CCDC171: variants seen among roughly 807,000 people sequenced by gnomAD.
CCDC171 encodes coiled-coil domain containing 171, also known as coiled-coil domain-containing protein 171.
In CCDC171, 177 loss-of-function variants were observed where a neutral mutation model predicts 168.2. That is an observed-to-expected ratio of 1.05 (90% CI 0.93 to 1.19). The LOEUF (loss-of-function observed/expected upper bound fraction) is 1.19, where lower values mean the gene tolerates loss of function less well. CCDC171 is among the 50% of genes most tolerant of loss of function. The probability of loss-of-function intolerance (pLI) is 0.00; values close to 1 mark genes in which losing one functional copy is unlikely to be tolerated. For missense variants in CCDC171, 1,991 were observed against 1,539.0 expected (o/e 1.29, Z -4.91); for synonymous variants, 687 against 540.8 (o/e 1.27, Z -3.75).
intron 9 of CCDC171, among the ~76,000 whole-genome samples, chr9:15,674,336 A>G (rs1157103521): frequency 6.6e-6 from 1 of 152,068 alleles, no homozygotes; most frequent in Non-Finnish European, 1.5e-5. Flanking sequence ...GACTTTTTGA[A>G]GGGTTTTTTG....
intron 1 of CCDC171, among the ~76,000 whole-genome samples, chr9:16,053,337 C>T (rs185776553): frequency 4.5e-4 from 68 of 152,350 alleles, no homozygotes; most frequent in African/African-American, 1.0e-3. Context: ...TTTTCCACCT[C>T]CCGGCATCAT....
chr9:15,554,791 C>A (rs978379753), intron 1 of CCDC171, among the ~76,000 whole-genome samples: 1 of 152,180 alleles, frequency 6.6e-6, no homozygotes, highest in South Asian at 2.1e-4. Flanking sequence ...GATTTGAATT[C>A]TCATTTTCCG....
upstream of CCDC171, among the ~76,000 whole-genome samples, chr9:16,041,230 T>G (rs925757682): frequency 2.6e-5 from 4 of 152,132 alleles, no homozygotes; most frequent in Admixed American, 6.6e-5. Flanking sequence ...CAGGACAGAT[T>G]TCATGGAAGA....
intron 16 of CCDC171, among the ~76,000 whole-genome samples, chr9:15,732,916 C>T (rs1237022280): frequency 6.6e-6 from 1 of 152,102 alleles, no homozygotes; most frequent in Non-Finnish European, 1.5e-5. Flanking sequence ...TCATTTTGCA[C>T]TCTCACTAGC....
At chr9:15,808,736 C>T (rs1157157983) in intron 21 of CCDC171, among the ~76,000 whole-genome samples, 2 of 152,028 alleles carry the variant, frequency 1.3e-5, no homozygotes, top group African/African-American at 4.8e-5. Flanking sequence ...ATGGAGAGGT[C>T]AGATTTTTTG....
At chr9:15,674,138 GAGGTGTTTAT>G (rs534071271) in intron 9 of CCDC171, among the ~76,000 whole-genome samples, 75 of 152,254 alleles carry the variant, frequency 4.9e-4, no homozygotes, top group Non-Finnish European at 6.8e-4. Context: ...TATTTGTATA[GAGGTGTTTAT>G]AGGTGTTTAT....
intron 11 of CCDC171, among the ~76,000 whole-genome samples, chr9:15,706,684 A>T (rs966377079): frequency 3.3e-5 from 5 of 152,148 alleles, no homozygotes. Flanking sequence ...TCTTCTTAGG[A>T]TTCATGAAAG....
chr9:16,008,559 G>A (rs1832772480), intron 3 of CCDC171, among the ~76,000 whole-genome samples: 3 of 152,134 alleles, frequency 2.0e-5, no homozygotes, highest in Admixed American at 1.3e-4. Flanking sequence ...GGCGTCTCAT[G>A]GATCCATCCT....
chr9:16,001,643 G>A (rs1832548485), intron 3 of CCDC171, among the ~76,000 whole-genome samples: 1 of 152,026 alleles, frequency 6.6e-6, no homozygotes, highest in Non-Finnish European at 1.5e-5. Context: ...TTATAATAGA[G>A]CTGAAAAATT....
At chr9:16,058,593 T>A (rs978165294) in intron 1 of CCDC171, among the ~76,000 whole-genome samples, 1 of 152,216 alleles carries the variant, frequency 6.6e-6, no homozygotes, top group African/African-American at 2.4e-5. Context: ...TTTCAGGAGT[T>A]ACCGATTCAG....
intron 1 of CCDC171, among the ~76,000 whole-genome samples, chr9:15,560,762 T>C (rs1254185010): frequency 6.6e-6 from 1 of 152,194 alleles, no homozygotes; most frequent in East Asian, 1.9e-4. Flanking sequence ...AGTCCAGCTT[T>C]GTTCCGTTGC....
chr9:15,695,873 T>TTCATA (rs538756103), intron 11 of CCDC171, among the ~76,000 whole-genome samples: 3 of 152,314 alleles, frequency 2.0e-5, no homozygotes, highest in Middle Eastern at 3.4e-3. Context: ...ATTAGCCCAC[T>TTCATA]TCATATGATA....
intron 2 of CCDC171, among the ~76,000 whole-genome samples, chr9:15,566,907 T>C (rs919153811): frequency 3.3e-5 from 5 of 152,224 alleles, no homozygotes; most frequent in African/African-American, 1.2e-4. Context: ...CCAGCAGCGT[T>C]GTTGATAAGA....
chr9:16,040,164 C>A (rs1007943312), upstream of CCDC171, among the ~76,000 whole-genome samples: 3 of 152,198 alleles, frequency 2.0e-5, no homozygotes, highest in Non-Finnish European at 4.4e-5. Flanking sequence ...AGCACAGAGG[C>A]CCCTAGCCAG....
rs757876954 is a variant in CCDC171, at chr9:15,666,120, G to A, written c.916-43G>A. 7.0e-6 allele frequency: 11 copies of A among 1,568,484 alleles called. No homozygotes were observed. The South Asian group carries it at 9.0e-5, about 13-fold the overall frequency. The stretch of plus-strand genomic sequence containing the variant: ...TCTACTCAATTTAAGATTGATGCTA[G>A]CATTTCTTAGCTTGATTTAATTACT... On this transcript the variant is annotated intron_variant, in intron 8 of 25. Transcript: ENST00000380701.
chr9:15,813,134 T>G (rs1444477087), intron 21 of CCDC171, among the ~76,000 whole-genome samples: 1 of 152,196 alleles, frequency 6.6e-6, no homozygotes, highest in African/African-American at 2.4e-5. Context: ...TCCTTCTCCT[T>G]TGGGGCTTGC....
chr9:15,711,312 T>C (rs1254898732), intron 11 of CCDC171, among the ~76,000 whole-genome samples: 5 of 152,204 alleles, frequency 3.3e-5, no homozygotes, highest in African/African-American at 1.2e-4. Flanking sequence ...AAATTCACTT[T>C]AAATTCTTCA....
chr9:15,913,357 G>A lies in CCDC171; in HGVS notation c.3601-6913G>A, dbSNP rs149833549. ...TTCTCTGATGGTAGTTTGTATTTCTGTGGGAGCAGTGGTGATCTCCCCTTT... is the reference window on the plus strand; with the variant it reads ...TTCTCTGATGGTAGTTTGTATTTCTATGGGAGCAGTGGTGATCTCCCCTTT... On this transcript the variant is annotated intron_variant, in intron 24 of 25. Coordinates refer to ENST00000380701, the MANE Select transcript of CCDC171 (RefSeq NM_173550.4). Among the ~76,000 whole-genome samples the A allele has an allele frequency of 1.7e-3, 266 of 152,264 alleles. 1 individual carries two copies. The highest frequency in any genetic ancestry group is 5.8e-3 in the African/African-American group (239 of 41,564).
At chr9:15,826,506 T>C (rs1441179628) in intron 21 of CCDC171, among the ~76,000 whole-genome samples, 2 of 152,208 alleles carry the variant, frequency 1.3e-5, no homozygotes, top group Non-Finnish European at 2.9e-5. Context: ...CTTTTGAGAC[T>C]ATGTCATAAA....
Sources: gnomAD v4.1 joint callset for allele counts (sites outside exome capture counted in the v4.1 genomes callset) on GRCh38, gnomAD v4.1.1 for gene constraint, MANE v1.5 for transcripts, NCBI Gene and HGNC (gene_info 2026-07-23, HGNC 2026-07-21) for gene names.